The following PKD1L1 variants were observed in gnomAD, a reference collection of about 807,000 sequenced individuals.
The protein encoded by PKD1L1 is polycystin-1-like protein 1.
PKD1L1 carries 236 observed loss-of-function variants against 323.4 expected under a neutral mutation model. That is an observed-to-expected ratio of 0.73 (90% CI 0.66 to 0.81). The LOEUF is 0.81. Among genes scored for constraint, PKD1L1 ranks in the 40% least tolerant of loss-of-function variants. The probability of loss-of-function intolerance (pLI) is 0.00; values close to 1 mark genes in which losing one functional copy is unlikely to be tolerated. For missense variants in PKD1L1, 3,320 were observed against 3,508.0 expected, an observed-to-expected ratio of 0.95 and a Z score of 1.35; for synonymous variants, 1,344 against 1,335.0, an observed-to-expected ratio of 1.01 and a Z score of -0.15.
chr7:47,910,813 C>T (rs1787305465), intron 8 of PKD1L1, among the ~76,000 whole-genome samples: 6 of 104,458 alleles, frequency 5.7e-5, no homozygotes. Context: ...TCCGCCACCA[C>T]GCCCAGCTGA....
intron 25 of PKD1L1, 147 bp downstream of exon 25, chr7:47,866,272 A>C (rs1292350475): frequency 1.0e-5 from 7 of 684,620 alleles, no homozygotes; most frequent in African/African-American, 1.8e-5. Context: ...ACAGCCATGT[A>C]TGGGAGCTGA....
intron 4 of PKD1L1, 55 bp from the exon 5 acceptor site, chr7:47,932,111 C>A: frequency 6.4e-7 from 1 of 1,564,934 alleles, no homozygotes; most frequent in South Asian, 1.2e-5. Context: ...GTTTCAGTCA[C>A]ATATCTGGCT....
the PKD1L1 span, among the ~76,000 whole-genome samples, chr7:47,960,050 C>T: frequency 6.6e-6 from 1 of 152,076 alleles, no homozygotes; most frequent in Non-Finnish European, 1.5e-5. Context: ...CCTTGTGATC[C>T]TGTTGATCAG....
chr7:47,850,728 CCA>C (rs1250494248), intron 31 of PKD1L1, among the ~76,000 whole-genome samples: 2 of 151,268 alleles, frequency 1.3e-5, no homozygotes, highest in Non-Finnish European at 2.9e-5. Context: ...TAGCAAAAAC[CCA>C]CAGAGAAAAT....
At chr7:47,871,260 T>C (rs1328416343) in intron 24 of PKD1L1, among the ~76,000 whole-genome samples, 1 of 152,220 alleles carries the variant, frequency 6.6e-6, no homozygotes, top group Non-Finnish European at 1.5e-5. Flanking sequence ...TCTTAGTTTG[T>C]GCTATTATAA....
At chr7:47,920,298 C>CAAAAAAAAAAAAAAAA (rs58524433) in intron 7 of PKD1L1, among the ~76,000 whole-genome samples, 2 of 140,344 alleles carry the variant, frequency 1.4e-5, no homozygotes, top group Non-Finnish European at 1.6e-5. Flanking sequence ...CAAACAAAAA[C>CAAAAAAAAAAAAAAAA]AAAAAAAAAA....
In PKD1L1 at chr7:47,775,036, G is replaced by C; in HGVS notation, c.*107C>G. The C allele has an allele frequency of 1.7e-6, 2 of 1,196,928 alleles. No individual in the cohort carries two copies. Among genetic ancestry groups the C allele is most frequent in the Non-Finnish European group, 2.4e-6 (2 of 831,270 alleles). The allele number at this position is 1,196,928 out of a possible 1,614,324, so 74.1% of individuals were successfully genotyped here. A position where few individuals can be genotyped will look rare whatever the true frequency, so the allele number is the denominator to read the frequency against. On this transcript the variant is annotated 3_prime_UTR_variant, in exon 57 of 57. Coordinates refer to ENST00000289672, the MANE Select transcript of PKD1L1 (RefSeq NM_138295.5). ...CTGGAAAAATTAACAAAACTTCTTC[G>C]TACCTCAGCTCTTCTCACCTGCAAA...
At chr7:47,875,426 C>T (rs57214397) in intron 23 of PKD1L1, among the ~76,000 whole-genome samples, 17,547 of 152,214 alleles carry the variant, frequency 0.12, 1,072 homozygotes, top group South Asian at 0.18. Flanking sequence ...GACTCTCAAC[C>T]TTCCCTGCAC....
intron 26 of PKD1L1, among the ~76,000 whole-genome samples, chr7:47,864,851 C>A (rs1014482780): frequency 5.3e-5 from 8 of 151,988 alleles, no homozygotes; most frequent in Non-Finnish European, 1.2e-4. Context: ...AGTACTCCTC[C>A]TGAGTAGCTG....
intron 18 of PKD1L1, 93 bp downstream of exon 18, chr7:47,885,593 T>G: frequency 6.8e-7 from 1 of 1,481,298 alleles, no homozygotes; most frequent in Non-Finnish European, 9.0e-7. Flanking sequence ...CATGTTGATG[T>G]GATCTCACAC....
At chr7:47,922,034 T>C (rs920575187) in intron 7 of PKD1L1, among the ~76,000 whole-genome samples, 5 of 152,174 alleles carry the variant, frequency 3.3e-5, no homozygotes, top group African/African-American at 1.2e-4. Context: ...TGCCTCAGCC[T>C]GCCCAGTGCC....
chr7:47,787,712 T>G (rs1584942978), intron 56 of PKD1L1, among the ~76,000 whole-genome samples: 1 of 152,136 alleles, frequency 6.6e-6, no homozygotes, highest in Non-Finnish European at 1.5e-5. Context: ...GGTGGGACTT[T>G]GTTTTCATTT....
At chr7:47,813,055 GCAGGCAC>G in intron 49 of PKD1L1, 59 bp downstream of exon 49, 1 of 1,563,948 alleles carries the variant, frequency 6.4e-7, no homozygotes, top group Non-Finnish European at 8.7e-7. Context: ...GCTGCGTCCA[GCAGGCAC>G]CAGAGCTGGA....
intron 56 of PKD1L1, among the ~76,000 whole-genome samples, chr7:47,775,557 A>C (rs1786548315): frequency 6.6e-6 from 1 of 152,202 alleles, no homozygotes; most frequent in Non-Finnish European, 1.5e-5. Flanking sequence ...AATAAATCAA[A>C]AGGGAAATTA....
chr7:47,815,421 G>A lies in PKD1L1; in HGVS notation c.7002C>T (p.Ile2334=), dbSNP rs777670711. 16 of 1,613,944 alleles carry A rather than the reference G, an allele frequency of 9.9e-6. No individual in the cohort carries two copies. The highest frequency in any genetic ancestry group is 1.3e-5 in the African/African-American group (1 of 74,934). ...TCAGACTCCAGTCCCACCAGTCAGC[G>A]ATGTTTCTCAGGCCACCCAAGCAGT... is the stretch of plus-strand genomic sequence containing the variant. The part of the protein sequence containing the change: ...ARNCLGGLRN[I]ADWWDWSLTT... The change falls in exon 47 of 57, where the codon ATC becomes ATT. Residue 2334 remains isoleucine, a synonymous_variant. Coordinates refer to ENST00000289672, the MANE Select transcript of PKD1L1 (RefSeq NM_138295.5).
intron 52 of PKD1L1, 75 bp downstream of exon 52, chr7:47,808,170 GTT>G: frequency 3.2e-6 from 5 of 1,540,678 alleles, no homozygotes; most frequent in Admixed American, 1.8e-5. Context: ...ACCTTCTAGA[GTT>G]TGTGTGACCT....
intron 36 of PKD1L1, among the ~76,000 whole-genome samples, chr7:47,837,481 C>T (rs1478269498): frequency 3.3e-5 from 5 of 152,206 alleles, no homozygotes; most frequent in African/African-American, 1.2e-4. Flanking sequence ...ACATGCTTCT[C>T]CGAGCTTCAC....
intron 13 of PKD1L1, among the ~76,000 whole-genome samples, chr7:47,900,728 C>CA (rs1300710589): frequency 3.3e-5 from 5 of 150,932 alleles, no homozygotes; most frequent in African/African-American, 1.2e-4. Flanking sequence ...AACTCAGTCT[C>CA]AAAAATAAAT....
At chr7:47,834,666 C>G (rs1297645401) in intron 39 of PKD1L1, among the ~76,000 whole-genome samples, 1 of 152,094 alleles carries the variant, frequency 6.6e-6, no homozygotes, top group Non-Finnish European at 1.5e-5. Context: ...ATAAATGGCA[C>G]TAGCAACTAG....
Sources: gnomAD v4.1 joint callset for allele counts (sites outside exome capture counted in the v4.1 genomes callset) on GRCh38, gnomAD v4.1.1 for gene constraint, MANE v1.5 for transcripts, NCBI Gene and HGNC (gene_info 2026-07-23, HGNC 2026-07-21) for gene names.